The following CFAP95 variants were observed in gnomAD, a reference collection of about 807,000 sequenced individuals.
CFAP95 encodes cilia- and flagella-associated protein 95.
chr9:69,862,130 A>G, the CFAP95 span, among the ~76,000 whole-genome samples: 2 of 152,332 alleles, frequency 1.3e-5, no homozygotes, highest in East Asian at 3.9e-4. Flanking sequence ...CACCACAATT[A>G]TCTCCTGAGT....
the CFAP95 span, chr9:69,844,656 C>T: frequency 4.2e-5 from 63 of 1,490,654 alleles, no homozygotes; most frequent in Non-Finnish European, 5.5e-5. Flanking sequence ...CGTTTGAAGT[C>T]TGAAATCTTT....
the CFAP95 span, chr9:69,857,977 T>C: frequency 2.5e-6 from 4 of 1,613,626 alleles, no homozygotes; most frequent in South Asian, 1.1e-5. Flanking sequence ...TGGAGCAAAA[T>C]GTTAGTAGTC....
the CFAP95 span, among the ~76,000 whole-genome samples, chr9:69,889,871 A>G: frequency 3.3e-5 from 5 of 152,136 alleles, no homozygotes; most frequent in East Asian, 3.9e-4. Flanking sequence ...TTAAGGGTAA[A>G]AAAATTAAGT....
At chr9:69,826,537 C>A in the CFAP95 span, among the ~76,000 whole-genome samples, 1 of 152,186 alleles carries the variant, frequency 6.6e-6, no homozygotes, top group African/African-American at 2.4e-5. Context: ...CATGCTGCAG[C>A]CTGTCTTTTT....
the CFAP95 span, among the ~76,000 whole-genome samples, chr9:69,840,583 G>A: frequency 1.2e-4 from 19 of 152,132 alleles, no homozygotes; most frequent in Non-Finnish European, 2.8e-4. Context: ...AATTAATTCA[G>A]TCTCCTGTTT....
chr9:69,873,414 TTTTGTTTG>T, the CFAP95 span, among the ~76,000 whole-genome samples: 6 of 152,006 alleles, frequency 3.9e-5, no homozygotes, highest in Non-Finnish European at 5.9e-5. Flanking sequence ...ACCTAAGTTT[TTTTGTTTG>T]TTTGTTTGTT....
the CFAP95 span, among the ~76,000 whole-genome samples, chr9:69,895,365 C>G: frequency 0.099 from 10,577 of 107,214 alleles, 465 homozygotes; most frequent in African/African-American, 0.16. Flanking sequence ...CTCTCTCTCT[C>G]TCTCTGTGTG....
the CFAP95 span, among the ~76,000 whole-genome samples, chr9:69,890,462 G>T: frequency 6.6e-6 from 1 of 152,176 alleles, no homozygotes; most frequent in Non-Finnish European, 1.5e-5. Flanking sequence ...ATGAATGCTT[G>T]CATGACATTG....
the CFAP95 span, among the ~76,000 whole-genome samples, chr9:69,869,623 A>T: frequency 6.6e-6 from 1 of 151,302 alleles, no homozygotes. Flanking sequence ...AAAAAAGGTA[A>T]CTGTGAGGAG....
chr9:69,871,772 A>G, the CFAP95 span, among the ~76,000 whole-genome samples: 2 of 152,078 alleles, frequency 1.3e-5, no homozygotes, highest in African/African-American at 4.8e-5. Flanking sequence ...CACAAGAGAG[A>G]TTACTGATCT....
chr9:69,880,438 A>G, the CFAP95 span, among the ~76,000 whole-genome samples: 1 of 152,078 alleles, frequency 6.6e-6, no homozygotes, highest in Non-Finnish European at 1.5e-5. Flanking sequence ...GGCTTATTTC[A>G]CTTAACATAG....
chr9:69,874,090 G>GT, the CFAP95 span, among the ~76,000 whole-genome samples: 1 of 151,990 alleles, frequency 6.6e-6, no homozygotes, highest in Non-Finnish European at 1.5e-5. Flanking sequence ...CTAAATTCCC[G>GT]GCATCCTTAC....
At chr9:69,883,663 T>G in the CFAP95 span, among the ~76,000 whole-genome samples, 1 of 152,162 alleles carries the variant, frequency 6.6e-6, no homozygotes, top group East Asian at 1.9e-4. Flanking sequence ...ATTTTCTAAT[T>G]TATTGGCATA....
chr9:69,888,705 G>A, the CFAP95 span, among the ~76,000 whole-genome samples: 7 of 152,006 alleles, frequency 4.6e-5, no homozygotes, highest in African/African-American at 1.2e-4. Context: ...GCGAAACCTT[G>A]TCTCTACTAA....
chr9:69,852,343 A>C, the CFAP95 span, among the ~76,000 whole-genome samples: 1 of 152,296 alleles, frequency 6.6e-6, no homozygotes, highest in Non-Finnish European at 1.5e-5. Flanking sequence ...CATGCAAATT[A>C]TTTGGGCGGT....
the CFAP95 span, among the ~76,000 whole-genome samples, chr9:69,901,555 T>A: frequency 6.6e-6 from 1 of 152,162 alleles, no homozygotes. Flanking sequence ...TTCCACGGTG[T>A]ATATGCGCCA....
At chr9:69,870,674 T>C in the CFAP95 span, among the ~76,000 whole-genome samples, 1 of 152,224 alleles carries the variant, frequency 6.6e-6, no homozygotes, top group Admixed American at 6.5e-5. Context: ...GGCTACATGA[T>C]TGTTTTCAGC....
At chr9:69,892,745 A>C in the CFAP95 span, among the ~76,000 whole-genome samples, 127,051 of 152,134 alleles carry the variant, frequency 0.84, 53,588 homozygotes, top group Middle Eastern at 0.92. Flanking sequence ...GAAGGAGAGA[A>C]GAGAAAAAGC....
At chr9:69,859,302 A>G in the CFAP95 span, among the ~76,000 whole-genome samples, 1 of 150,818 alleles carries the variant, frequency 6.6e-6, no homozygotes, top group Non-Finnish European at 1.5e-5. Flanking sequence ...TCTACCATTG[A>G]ATTATCTTTT....
Sources: allele counts gnomAD v4.1 joint callset (sites outside exome capture counted in the v4.1 genomes callset), GRCh38; gene constraint gnomAD v4.1.1; transcripts MANE v1.5; gene names NCBI Gene and HGNC (gene_info 2026-07-23, HGNC 2026-07-21).